Variants in DUOX2 observed in about 807,000 individuals in gnomAD.
DUOX2 encodes NADH/NADPH thyroid oxidase p138-tox.
Under a neutral mutation model 183.3 loss-of-function variants are expected in DUOX2, and 185 were observed. That is an observed-to-expected ratio of 1.01 (90% CI 0.90 to 1.14). DUOX2 has a LOEUF of 1.14. Among genes scored for constraint, DUOX2 ranks in the 50% most tolerant of loss-of-function variants. The probability of loss-of-function intolerance (pLI) is 0.00; values close to 1 mark genes in which losing one functional copy is unlikely to be tolerated. For missense variants in DUOX2, 1,999 were observed against 2,022.9 expected (o/e 0.99, Z 0.23); for synonymous variants, 788 against 812.4 (o/e 0.97, Z 0.51).
intron 27 of DUOX2, 67 bp from the exon 28 acceptor site, chr15:45,097,808 C>T (rs2141142170): frequency 6.2e-7 from 1 of 1,611,460 alleles, no homozygotes; most frequent in Non-Finnish European, 8.5e-7. Flanking sequence ...AAGACAACAG[C>T]ACATTCCCCT....
chr15:45,101,356 T>C, intron 21 of DUOX2, 82 bp from the exon 22 acceptor site: 1 of 1,233,174 alleles, frequency 8.1e-7, no homozygotes, highest in Non-Finnish European at 1.2e-6. Flanking sequence ...TCCTCCCTTC[T>C]GGGAAAGTCA....
At position 45,100,059 on chromosome 15, in the gene DUOX2, G is replaced by C. The variant is rs145502900; in HGVS notation, c.3175C>G (p.Arg1059Gly). The change falls in exon 24 of 34, where the codon CGT (arginine) becomes GGT (glycine). Residue 1059 changes from arginine to glycine, a missense_variant. By Grantham distance (125) the Arg-to-Gly change is moderately radical (BLOSUM62 -2). Coordinates refer to ENST00000389039, the MANE Select transcript of DUOX2 (RefSeq NM_001363711.2). ...AGCCTGGAACTCTTACAGTAAGCAC[G>C]ATCTGCAAACACGCCAACACAGATG... ...SAICVGVFAD[R>G]AYYYGFASPP... 5 of 1,614,200 alleles carry C rather than the reference G, an allele frequency of 3.1e-6. No individual in the cohort carries two copies. The highest frequency in any genetic ancestry group is 1.1e-5 in the South Asian group (1 of 91,078).
At position 45,094,060 on chromosome 15, in the gene DUOX2, T is replaced by TG; in HGVS notation, c.*89_*90insC. On this transcript the variant is annotated 3_prime_UTR_variant, in exon 34 of 34. Coordinates refer to ENST00000389039, the MANE Select transcript of DUOX2 (RefSeq NM_001363711.2). ...CCTCCAGCTGAGGCCTAAGGTGGAT[T>TG]CTGATGGAGAGATTGCCAGCAGGGC... 1 of 1,589,634 alleles carries TG rather than the reference T, an allele frequency of 6.3e-7. No homozygotes were observed. Among genetic ancestry groups the TG allele is most frequent in the Non-Finnish European group, 8.6e-7 (1 of 1,158,904 alleles).
chr15:45,099,380 G>T lies in DUOX2; in HGVS notation c.3515+3C>A. 1.2e-6 allele frequency: 2 copies of T among 1,613,074 alleles called. No homozygotes were observed. The highest frequency in any genetic ancestry group is 1.1e-5 in the South Asian group (1 of 91,014). ...CCCAGGAGAAACCATCCCCAGAACT[G>T]ACCCATCATTCACAAAGACGTTGGG... is the stretch of plus-strand genomic sequence containing the variant. On this transcript the variant is annotated splice_donor_region_variant and intron_variant, in intron 26 of 33. Transcript: ENST00000389039.
rs1191744873 is a variant in DUOX2, at chr15:45,093,588, T to G, written c.*562A>C. ...TGTCCAGGTTCTAAGCATCACAGCT[T>G]CTGCACTGGGCTCTGAGGAGATTCT... On this transcript the variant is annotated 3_prime_UTR_variant, in exon 34 of 34. Transcript: ENST00000389039. 6.2e-6 allele frequency: 1 copy of G among 160,984 alleles called. No individual in the cohort carries two copies. Among genetic ancestry groups the G allele is most frequent in the African/African-American group, 2.4e-5 (1 of 41,778 alleles). 10.0% of individuals were successfully genotyped at this position (160,984 alleles called of 1,614,324 possible).
Position 45,099,306 on chromosome 15 carries a change from G to A in DUOX2, c.3515+77C>T, listed in dbSNP as rs1202832830. The A allele has an allele frequency of 3.9e-5, 54 of 1,382,922 alleles. No individual in the cohort carries two copies. In the Middle Eastern group the frequency reaches 6.2e-4, roughly 16 times the overall value. 85.7% of individuals were successfully genotyped at this position (1,382,922 alleles called of 1,614,324 possible). A position where few individuals can be genotyped will look rare whatever the true frequency, so the allele number is the denominator to read the frequency against. On this transcript the variant is annotated intron_variant, in intron 26 of 33. Coordinates refer to ENST00000389039, the MANE Select transcript of DUOX2 (RefSeq NM_001363711.2). The stretch of plus-strand genomic sequence containing the variant: ...ATTACAGGCGTGAGCCACCGCGCCC[G>A]GCCTGCCTATTTCTTTTTCTATTAT...
In DUOX2 at chr15:45,112,576, G is replaced by T. The variant is rs117041393; in HGVS notation, c.303C>A (p.Arg101=). 2,136 of 1,613,144 alleles carry T rather than the reference G, an allele frequency of 1.3e-3. 44 individuals are homozygous for T. The East Asian group carries it at 0.041, about 31-fold the overall frequency. The change falls in exon 4 of 34, where the codon CGC becomes CGA. Residue 101 remains arginine, a synonymous_variant. Coordinates refer to ENST00000389039, the MANE Select transcript of DUOX2 (RefSeq NM_001363711.2). Reference sequence around the variant, plus strand: ...CACCAAAGAAGACCCCCAGTACGGTGCGGTTGTGGAGCGACGGCAGGCCGG... The same window carrying T: ...CACCAAAGAAGACCCCCAGTACGGTTCGGTTGTGGAGCGACGGCAGGCCGG... ...GIAGLPSLHN[R]TVLGVFFGYH...
chr15:45,107,244 G>A lies in DUOX2; in HGVS notation c.1693+101C>T, dbSNP rs572166588. 1.6e-4 allele frequency: 242 copies of A among 1,472,422 alleles called. 2 individuals carry two copies. The South Asian group carries it at 2.7e-3, about 16-fold the overall frequency. 91.2% of individuals were successfully genotyped at this position (1,472,422 alleles called of 1,614,324 possible). On this transcript the variant is annotated intron_variant, in intron 14 of 33. Transcript: ENST00000389039. The stretch of plus-strand genomic sequence containing the variant: ...CAGGCCTCCTAGCCCAACACAGAAG[G>A]TGCCTGGCTCCCTGGACAGCACCAA...
At chr15:45,105,956 G>C in intron 17 of DUOX2, 128 bp from the exon 18 acceptor site, 1 of 1,407,672 alleles carries the variant, frequency 7.1e-7, no homozygotes, top group Non-Finnish European at 9.8e-7. Flanking sequence ...CTGGGGCCAG[G>C]TGTGTGGACG....
intron 10 of DUOX2, 61 bp downstream of exon 10, chr15:45,109,829 C>G: frequency 6.5e-7 from 1 of 1,539,292 alleles, no homozygotes; most frequent in Non-Finnish European, 9.0e-7. Context: ...GTTGCTTTTC[C>G]CAGCCTGTGT....
Position 45,107,438 on chromosome 15 carries a change from C to T in DUOX2, c.1600G>A (p.Asp534Asn), listed in dbSNP as rs1367337604. Residue 534 changes from aspartate (D) to asparagine (N), a missense_variant, in exon 14 of 34, where the codon GAC becomes AAC. Asp to Asn is a conservative substitution (Grantham distance 23, BLOSUM62 1). Transcript: ENST00000389039. ...NGLFSKKEIE[D>N]IRNTTLRDVL... ...TCCCGCAGGGTGGTATTTCGGATGTCTTCAATCTCCTTCTTGGAGAACAGC... is the reference window on the plus strand; with the variant it reads ...TCCCGCAGGGTGGTATTTCGGATGTTTTCAATCTCCTTCTTGGAGAACAGC... 1 of 1,614,178 alleles carries T rather than the reference C, an allele frequency of 6.2e-7. No individual in the cohort carries two copies. The highest frequency in any genetic ancestry group is 2.2e-5 in the East Asian group (1 of 44,868).
intron 20 of DUOX2, among the ~76,000 whole-genome samples, chr15:45,102,536 C>T (rs1189659751): frequency 3.3e-5 from 5 of 152,188 alleles, no homozygotes; most frequent in Non-Finnish European, 7.3e-5. Context: ...GGTTGTGCCT[C>T]GGGACAGAAA....
In DUOX2 at chr15:45,108,136, G is replaced by T. The variant is rs771289455; in HGVS notation, c.1485C>A (p.Asp495Glu). 22 of 1,614,108 alleles carry T rather than the reference G, an allele frequency of 1.4e-5. 2 individuals are homozygous for T. In the South Asian group the frequency reaches 2.1e-4, roughly 15 times the overall value. The change falls in exon 13 of 34, where the codon GAC (aspartate) becomes GAA (glutamate). Residue 495 changes from aspartate to glutamate, a missense_variant. By Grantham distance (45) the Asp-to-Glu change is conservative. This residue lies in a region of DUOX2 where 1,628 missense variants were observed against 1,608.6 expected (regional missense o/e 1.01). Coordinates refer to ENST00000389039, the MANE Select transcript of DUOX2 (RefSeq NM_001363711.2). Reference sequence around the variant, plus strand: ...CAATGGCACTGAACAGGGGTCCAGGGTCCCCATGGCTCTCCAGGAGCCCCC... The same window carrying T: ...CAATGGCACTGAACAGGGGTCCAGGTTCCCCATGGCTCTCCAGGAGCCCCC... ...LLGGLLESHG[D>E]PGPLFSAIVL...
Position 45,111,872 on chromosome 15 carries a change from C to G in DUOX2, c.409G>C (p.Asp137His). ...CGCTGGTCGGGGTCGAACACGGGGT[C>G]TCCAGGTGGGATGCGGATGTTGAGG... is the stretch of plus-strand genomic sequence containing the variant. ...EFLNIRIPPGDPVFDPDQRGD... is the reference protein window; with the variant it reads ...EFLNIRIPPGHPVFDPDQRGD... Residue 137 changes from aspartate to histidine, a missense_variant, in exon 5 of 34, where the codon GAC becomes CAC. Transcript: ENST00000389039. The G allele has an allele frequency of 6.2e-7, 1 of 1,613,856 alleles. No individual in the cohort carries two copies. Among genetic ancestry groups the G allele is most frequent in the East Asian group, 2.2e-5 (1 of 44,884 alleles).
At chr15:45,103,917 A>G (rs1246949159) in intron 20 of DUOX2, 43 bp downstream of exon 20, 2 of 1,605,298 alleles carry the variant, frequency 1.2e-6, no homozygotes, top group Admixed American at 1.7e-5. Flanking sequence ...TCCTGTTTGA[A>G]ACACACCAGG....
rs1894381214 is a variant in DUOX2, at chr15:45,111,053, G to A, written c.882+58C>T. The stretch of plus-strand genomic sequence containing the variant: ...AGATGGGGAGCTCCATGGGGCAGCG[G>A]AGTCTCCCGTGGGCTTGCACGCGGA... On this transcript the variant is annotated intron_variant, in intron 7 of 33. Transcript: ENST00000389039. The A allele has an allele frequency of 1.2e-5, 8 of 669,472 alleles. No individual in the cohort carries two copies. The South Asian group carries it at 1.5e-4, about 13-fold the overall frequency. 41.5% of individuals were successfully genotyped at this position (669,472 alleles called of 1,614,324 possible). A position where few individuals can be genotyped will look rare whatever the true frequency, so the allele number is the denominator to read the frequency against.
At chr15:45,113,839 T>G in intron 1 of DUOX2, 134 bp downstream of exon 1, 1 of 243,118 alleles carries the variant, frequency 4.1e-6, no homozygotes, top group South Asian at 5.7e-5. Flanking sequence ...GGAAAAAGGT[T>G]ACTGACCTGG....
At chr15:45,107,986 A>G (rs1010739166) in intron 13 of DUOX2, 61 bp downstream of exon 13, 1 of 1,605,780 alleles carries the variant, frequency 6.2e-7, no homozygotes, top group African/African-American at 1.3e-5. Flanking sequence ...CTAAGGCTAG[A>G]CAGAGGGTCT....
At position 45,107,365 on chromosome 15, in the gene DUOX2, T is replaced by C. The variant is rs1241729537; in HGVS notation, c.1673A>G (p.Asn558Ser). ...INIDPSALQP[N>S]VFVWHKGAPC... The stretch of plus-strand genomic sequence containing the variant: ...CTCACCTTTATGCCAGACAAAGACA[T>C]TGGGCTGCAGGGCACTGGGGTCAAT... Residue 558 changes from asparagine to serine, a missense_variant, in exon 14 of 34, where the codon AAT (asparagine) becomes AGT (serine). By Grantham distance (46) the Asn-to-Ser change is conservative. Around this residue, in one of 3 missense-constraint regions of DUOX2, gnomAD observed 1,628 missense variants for 1,608.6 expected, o/e 1.01. Coordinates refer to ENST00000389039, the MANE Select transcript of DUOX2 (RefSeq NM_001363711.2). 15 of 1,614,194 alleles carry C rather than the reference T, an allele frequency of 9.3e-6. No individual in the cohort carries two copies. Among genetic ancestry groups the C allele is most frequent in the East Asian group, 2.2e-5 (1 of 44,880 alleles).
Sources: allele counts gnomAD v4.1 joint callset (sites outside exome capture counted in the v4.1 genomes callset), GRCh38; gene constraint gnomAD v4.1.1; regional missense constraint gnomAD v4.1.1; transcripts MANE v1.5; gene names NCBI Gene and HGNC (gene_info 2026-07-23, HGNC 2026-07-21).